FRMPD4: variants seen among roughly 807,000 people sequenced by gnomAD.
The protein encoded by FRMPD4 is FERM and PDZ domain-containing protein 4.
In FRMPD4, 22 loss-of-function variants were observed where a neutral mutation model predicts 94.1. That is an observed-to-expected ratio of 0.23 (90% confidence interval 0.17 to 0.33). FRMPD4 has a LOEUF of 0.33. FRMPD4 is among the 10% of genes least tolerant of loss of function. The pLI, the probability that FRMPD4 is intolerant of heterozygous loss-of-function variation, is 1.00. For synonymous variants in FRMPD4, 631 were observed against 548.6 expected (o/e 1.15, Z -2.10); for missense variants, 1,111 against 1,339.9 (o/e 0.83, Z 2.67).
At chrX:12,004,984 C>T (rs992656588) in intron 3 of FRMPD4, among the ~76,000 whole-genome samples, 6 of 111,851 alleles carry the variant, frequency 5.4e-5, no homozygotes, top group East Asian at 2.8e-4. Flanking sequence ...GTAGCAAGAT[C>T]GATGAACTTG....
intron 1 of FRMPD4, among the ~76,000 whole-genome samples, chrX:11,826,017 T>G (rs2053441792): frequency 8.9e-6 from 1 of 112,542 alleles, no homozygotes; most frequent in Admixed American, 9.4e-5. Context: ...ATCTGATCAA[T>G]ATATGTTTAA....
At chrX:12,366,180 C>T (rs1172051830) in intron 1 of FRMPD4, among the ~76,000 whole-genome samples, 1 of 111,758 alleles carries the variant, frequency 8.9e-6, no homozygotes, top group East Asian at 2.8e-4. Flanking sequence ...TTTGCCAGGC[C>T]AAGAAAGTGC....
chrX:12,392,111 G>A (rs1179191664), intron 1 of FRMPD4, among the ~76,000 whole-genome samples: 1 of 109,219 alleles, frequency 9.2e-6, no homozygotes, highest in Non-Finnish European at 1.9e-5. Context: ...TTGGCTCACT[G>A]CAACCTCTGC....
chrX:12,382,851 C>T (rs2056345091), intron 1 of FRMPD4, among the ~76,000 whole-genome samples: 1 of 112,253 alleles, frequency 8.9e-6, no homozygotes, highest in South Asian at 3.7e-4. Context: ...TGGAGGTTCC[C>T]TCCTGGTAGC....
intron 3 of FRMPD4, among the ~76,000 whole-genome samples, chrX:12,086,026 C>G (rs867614960): frequency 3.5e-4 from 39 of 110,914 alleles, no homozygotes; most frequent in African/African-American, 1.3e-3. Flanking sequence ...TTATAGACAG[C>G]ATTATATTTG....
chrX:12,231,862 C>CATTAAT (rs2147778978), intron 1 of FRMPD4, among the ~76,000 whole-genome samples: 1 of 111,530 alleles, frequency 9.0e-6, no homozygotes, highest in East Asian at 2.8e-4. Flanking sequence ...GCACGTTTAA[C>CATTAAT]TGGGGTGAAT....
intron 3 of FRMPD4, among the ~76,000 whole-genome samples, chrX:12,131,645 A>C (rs1002452072): frequency 9.0e-6 from 1 of 111,674 alleles, no homozygotes; most frequent in African/African-American, 3.3e-5. Flanking sequence ...AGAAAAAAAA[A>C]CTGAATTATA....
At position 12,566,775 on chromosome X, in the gene FRMPD4, TA is replaced by T. The variant is rs1332616099; in HGVS notation, c.159-42942del. Among the ~76,000 whole-genome samples the T allele has an allele frequency of 6.2e-5, 7 of 112,099 alleles. No homozygotes were observed. In the Admixed American group the frequency reaches 6.6e-4, roughly 11 times the overall value. On this transcript the variant is annotated intron_variant, in intron 2 of 16. Transcript: ENST00000675598. The stretch of plus-strand genomic sequence containing the variant: ...ATAACTGCCCACTGCTTTTTGGTTT[TA>T]AAACCATGACTCTTTGGGGAACATT...
chrX:12,503,570 T>C lies in FRMPD4; in HGVS notation c.158+4774T>C, dbSNP rs192613831. Among the ~76,000 whole-genome samples, 176 of 112,141 alleles carry C rather than the reference T, an allele frequency of 1.6e-3. 1 individual carries two copies. The highest frequency in any genetic ancestry group is 5.3e-3 in the African/African-American group (163 of 30,894). The stretch of plus-strand genomic sequence containing the variant: ...CATTCCCATCTGCCAATCTATTCCA[T>C]GGTCAATGTAAAATGTGTTTTTGGC... On this transcript the variant is annotated intron_variant, in intron 2 of 16. Coordinates refer to ENST00000675598, the MANE Select transcript of FRMPD4 (RefSeq NM_001368397.1).
chrX:12,234,924 A>G (rs1360493756), intron 1 of FRMPD4, among the ~76,000 whole-genome samples: 2 of 112,087 alleles, frequency 1.8e-5, no homozygotes, highest in Non-Finnish European at 3.8e-5. Flanking sequence ...TTGTACTGTC[A>G]GCAGCAGAAT....
chrX:12,056,767 G>T (rs2054856436), intron 3 of FRMPD4, among the ~76,000 whole-genome samples: 2 of 111,630 alleles, frequency 1.8e-5, no homozygotes, highest in Admixed American at 9.5e-5. Context: ...CTTGTTCTTT[G>T]TAATGGCTAT....
intron 3 of FRMPD4, among the ~76,000 whole-genome samples, chrX:11,912,798 AAAG>A (rs761293765): frequency 5.4e-5 from 6 of 111,040 alleles, no homozygotes; most frequent in African/African-American, 1.3e-4. Context: ...AAAAAGAAAA[AAAG>A]AAGAAGAAGA....
intron 1 of FRMPD4, among the ~76,000 whole-genome samples, chrX:12,435,469 AAC>A (rs2057055418): frequency 1.8e-5 from 2 of 111,627 alleles, no homozygotes; most frequent in South Asian, 7.4e-4. Context: ...ATGCATCTTA[AAC>A]ACATCTAAGT....
At position 12,606,499 on chromosome X, in the gene FRMPD4, A is replaced by G. The variant is rs1282887913; in HGVS notation, c.159-3222A>G. Among the ~76,000 whole-genome samples, 5 of 111,854 alleles carry G rather than the reference A, an allele frequency of 4.5e-5. No individual in the cohort carries two copies. In the East Asian group the frequency reaches 1.4e-3, roughly 31 times the overall value. ...TGCTCCCTGAGTGATTCTAATGTGC[A>G]GCAAAGTTTGGGAATCACTGCCTTA... On this transcript the variant is annotated intron_variant, in intron 2 of 16. Coordinates refer to ENST00000675598, the MANE Select transcript of FRMPD4 (RefSeq NM_001368397.1).
At chrX:11,923,188 G>T (rs1228409492) in intron 3 of FRMPD4, among the ~76,000 whole-genome samples, 4 of 112,997 alleles carry the variant, frequency 3.5e-5, no homozygotes, top group African/African-American at 9.6e-5. Context: ...CCAGCATGTG[G>T]AAAAGCAGTC....
At chrX:12,186,850 G>A (rs1601674629) in intron 1 of FRMPD4, among the ~76,000 whole-genome samples, 1 of 112,048 alleles carries the variant, frequency 8.9e-6, no homozygotes. Flanking sequence ...ACTTTTGGAA[G>A]ACAAGTATAT....
chrX:11,865,189 A>G (rs764083206), exon 2 of FRMPD4, among the ~76,000 whole-genome samples: 1 of 112,143 alleles, frequency 8.9e-6, no homozygotes, highest in Non-Finnish European at 1.9e-5. Context: ...TTGCCCTTCC[A>G]TGTCATCATC....
chrX:12,035,709 T>A (rs2147437608), intron 3 of FRMPD4, among the ~76,000 whole-genome samples: 1 of 111,355 alleles, frequency 9.0e-6, no homozygotes, highest in African/African-American at 3.3e-5. Flanking sequence ...TGAAGAGCAC[T>A]GCTCTTGAAT....
intron 1 of FRMPD4, among the ~76,000 whole-genome samples, chrX:12,438,010 G>T (rs1001161840): frequency 9.0e-6 from 1 of 111,493 alleles, no homozygotes; most frequent in African/African-American, 3.3e-5. Flanking sequence ...AGAAAATAAG[G>T]CAGAGAAATG....
Sources: gnomAD v4.1 joint callset for allele counts (sites outside exome capture counted in the v4.1 genomes callset) on GRCh38, gnomAD v4.1.1 for gene constraint, MANE v1.5 for transcripts, NCBI Gene and HGNC (gene_info 2026-07-23, HGNC 2026-07-21) for gene names.